ANKRD28: variants seen among roughly 807,000 people sequenced by gnomAD.
The protein encoded by ANKRD28 is serine/threonine-protein phosphatase 6 regulatory ankyrin repeat subunit A.
A neutral mutation model predicts 126.5 loss-of-function variants in ANKRD28; 44 were observed. That is an observed-to-expected ratio of 0.35 (90% confidence interval 0.27 to 0.45). ANKRD28 has a LOEUF of 0.45. Among genes scored for constraint, ANKRD28 ranks in the 20% least tolerant of loss-of-function variants. The pLI is 1.00. For synonymous variants in ANKRD28, 442 were observed against 468.5 expected (o/e 0.94, Z 0.73); for missense variants, 1,110 against 1,316.6 (o/e 0.84, Z 2.43).
intron 1 of ANKRD28, among the ~76,000 whole-genome samples, chr3:15,819,345 C>T (rs545968224): frequency 7.8e-4 from 118 of 152,122 alleles, no homozygotes; most frequent in Non-Finnish European, 5.4e-4. Context: ...CAATGGAAGG[C>T]GACAGAAGAG....
intron 8 of ANKRD28, among the ~76,000 whole-genome samples, chr3:15,715,254 A>C (rs1292908957): frequency 6.6e-6 from 1 of 152,146 alleles, no homozygotes; most frequent in Non-Finnish European, 1.5e-5. Flanking sequence ...TTCTTTTCTA[A>C]AATCTTTCAG....
chr3:15,678,159 T>C, intron 24 of ANKRD28, 50 bp downstream of exon 24: 1 of 1,525,552 alleles, frequency 6.6e-7, no homozygotes. Flanking sequence ...AAGTTATACA[T>C]AAGTGATACA....
chr3:15,803,279 TG>T (rs1165750639), intron 1 of ANKRD28, among the ~76,000 whole-genome samples: 1 of 151,708 alleles, frequency 6.6e-6, no homozygotes, highest in East Asian at 1.9e-4. Flanking sequence ...TCCAACAGAG[TG>T]GGTGATCTGA....
intron 1 of ANKRD28, among the ~76,000 whole-genome samples, chr3:15,809,843 A>G (rs2060670959): frequency 6.6e-6 from 1 of 152,172 alleles, no homozygotes; most frequent in Non-Finnish European, 1.5e-5. Context: ...TATACTAAAG[A>G]CTTCCAGCAG....
At chr3:15,738,558 G>C (rs1321232285) in intron 4 of ANKRD28, 2 of 152,422 alleles carry the variant, frequency 1.3e-5, no homozygotes, top group Non-Finnish European at 2.9e-5. Flanking sequence ...CTACTCGGGA[G>C]GCTGAGGTGG....
At chr3:15,739,120 T>C (rs541423642) in intron 4 of ANKRD28, among the ~76,000 whole-genome samples, 4 of 152,268 alleles carry the variant, frequency 2.6e-5, no homozygotes, top group African/African-American at 7.2e-5. Context: ...TTCATATCGT[T>C]CAAACAATTT....
Position 15,830,573 on chromosome 3 carries a change from AC to A in ANKRD28, c.27+28803del, listed in dbSNP as rs1412277704. ...AACAGTTTCATCTCAAAACCATCCC[AC>A]CCCCCACCGCACCCCCATCCACGGA... is the stretch of plus-strand genomic sequence containing the variant. On this transcript the variant is annotated intron_variant, in intron 1 of 27. Coordinates refer to the ANKRD28 transcript ENST00000399451. The surrounding 1 kb of genome is among the most constrained non-coding windows in gnomAD (Gnocchi z 4.5). Among the ~76,000 whole-genome samples, 3 of 147,088 alleles carry A rather than the reference AC, an allele frequency of 2.0e-5. No homozygotes were observed. Among genetic ancestry groups the A allele is most frequent in the Non-Finnish European group, 4.5e-5 (3 of 66,436 alleles).
In ANKRD28 at chr3:15,713,661, G is replaced by A; in HGVS notation, c.1076-20C>T. ...CAGCTCCTGCAATATAGGACTTACTGTCAGACACTGGACCATATAAAGATC... is the reference window on the plus strand; with the variant it reads ...CAGCTCCTGCAATATAGGACTTACTATCAGACACTGGACCATATAAAGATC... On this transcript the variant is annotated intron_variant, in intron 9 of 27. Coordinates refer to ENST00000683139, the MANE Select transcript of ANKRD28 (RefSeq NM_001349278.2). 13 of 1,507,412 alleles carry A rather than the reference G, an allele frequency of 8.6e-6. No individual in the cohort carries two copies. The highest frequency in any genetic ancestry group is 1.2e-5 in the Non-Finnish European group (13 of 1,100,472). 93.4% of individuals were successfully genotyped at this position (1,507,412 alleles called of 1,614,324 possible).
chr3:15,710,137 C>T (rs943231122), intron 12 of ANKRD28, among the ~76,000 whole-genome samples: 3 of 151,734 alleles, frequency 2.0e-5, no homozygotes, highest in Admixed American at 6.6e-5. Flanking sequence ...TGGATATAAG[C>T]GATCCTCCAA....
intron 2 of ANKRD28, among the ~76,000 whole-genome samples, chr3:15,789,808 T>C (rs1178998760): frequency 6.6e-6 from 1 of 151,924 alleles, no homozygotes; most frequent in African/African-American, 2.4e-5. Flanking sequence ...AAATTAAAGT[T>C]TGTTAAAAAT....
At chr3:15,758,471 G>A (rs1471987403) in intron 3 of ANKRD28, among the ~76,000 whole-genome samples, 1 of 152,184 alleles carries the variant, frequency 6.6e-6, no homozygotes, top group Non-Finnish European at 1.5e-5. Flanking sequence ...CTCAGAATAT[G>A]ACTTTAACTG....
chr3:15,762,923 A>C (rs913650687), intron 3 of ANKRD28, among the ~76,000 whole-genome samples: 1 of 152,226 alleles, frequency 6.6e-6, no homozygotes, highest in Non-Finnish European at 1.5e-5. Flanking sequence ...AAACTTCAAA[A>C]GATCATGGAG....
chr3:15,752,965 T>C (rs1402940045), intron 3 of ANKRD28, among the ~76,000 whole-genome samples: 2 of 152,142 alleles, frequency 1.3e-5, no homozygotes, highest in Non-Finnish European at 2.9e-5. Flanking sequence ...GCAAATATGT[T>C]AGAGGTAGAC....
At chr3:15,719,792 T>A (rs542271768) in intron 8 of ANKRD28, among the ~76,000 whole-genome samples, 15 of 152,228 alleles carry the variant, frequency 9.9e-5, no homozygotes, top group Admixed American at 3.3e-4. Context: ...TGGCCTCAAG[T>A]GATCTTCTCG....
At chr3:15,857,603 T>C (rs1273585628) in intron 1 of ANKRD28, among the ~76,000 whole-genome samples, 1 of 152,188 alleles carries the variant, frequency 6.6e-6, no homozygotes, top group Non-Finnish European at 1.5e-5. Flanking sequence ...CATTTTAAAG[T>C]TCAATATTAC....
chr3:15,808,214 G>C (rs74613239), intron 1 of ANKRD28, among the ~76,000 whole-genome samples: 1 of 152,192 alleles, frequency 6.6e-6, no homozygotes, highest in African/African-American at 2.4e-5. Flanking sequence ...GGGTTTTTGA[G>C]CTGGTGAGAA....
At chr3:15,742,255 C>T (rs1385560191) in intron 4 of ANKRD28, among the ~76,000 whole-genome samples, 1 of 150,072 alleles carries the variant, frequency 6.7e-6, no homozygotes, top group Non-Finnish European at 1.5e-5. Context: ...AAGTGAGGAG[C>T]GTCTCTGCCC....
At chr3:15,832,505 G>T (rs1013784706) in intron 1 of ANKRD28, among the ~76,000 whole-genome samples, 7 of 152,192 alleles carry the variant, frequency 4.6e-5, no homozygotes, top group Non-Finnish European at 1.0e-4. Flanking sequence ...ATACACTGCA[G>T]ATTTCTTACA....
intron 4 of ANKRD28, among the ~76,000 whole-genome samples, chr3:15,746,899 T>C (rs549600908): frequency 6.6e-6 from 1 of 152,318 alleles, no homozygotes; most frequent in East Asian, 1.9e-4. Context: ...TGTTCAGAGA[T>C]TCTATACCTT....
Sources: allele counts gnomAD v4.1 joint callset (sites outside exome capture counted in the v4.1 genomes callset), GRCh38; gene constraint gnomAD v4.1.1; non-coding constraint Gnocchi (gnomAD v3.1); transcripts MANE v1.5; gene names NCBI Gene and HGNC (gene_info 2026-07-23, HGNC 2026-07-21).